CCL17: variants seen among roughly 807,000 people sequenced by gnomAD.
CCL17 encodes the protein C-C motif chemokine 17.
Under a neutral mutation model 7.4 loss-of-function variants are expected in CCL17, and 8 were observed. That is an observed-to-expected ratio of 1.09 (90% CI 0.64 to 1.96). CCL17 has a LOEUF of 1.96. Ranked by LOEUF, CCL17 falls within the 30% of genes most tolerant of loss-of-function variation. CCL17 has a pLI of 0.00. For missense variants in CCL17, 102 were observed against 113.0 expected, an observed-to-expected ratio of 0.90 and a Z score of 0.44; for synonymous variants, 40 against 46.1, an observed-to-expected ratio of 0.87 and a Z score of 0.54.
At chr16:57,398,315 G>T in the CCL17 span, among the ~76,000 whole-genome samples, 3 of 152,222 alleles carry the variant, frequency 2.0e-5, no homozygotes, top group East Asian at 5.8e-4. Context: ...GTATGCCACT[G>T]GTTGTGGGGT....
chr16:57,399,081 G>A, the CCL17 span, among the ~76,000 whole-genome samples: 1 of 152,182 alleles, frequency 6.6e-6, no homozygotes, highest in African/African-American at 2.4e-5. Flanking sequence ...GGGTGTAGGG[G>A]TTGGGTACAG....
chr16:57,403,664 AT>A (rs1902653462), upstream of CCL17, among the ~76,000 whole-genome samples: 2 of 92,854 alleles, frequency 2.2e-5, no homozygotes, highest in African/African-American at 8.9e-5. Flanking sequence ...ATATATATAT[AT>A]ATATTTTTTG....
At chr16:57,413,669 T>C (rs1394104053) in intron 1 of CCL17, among the ~76,000 whole-genome samples, 3 of 152,230 alleles carry the variant, frequency 2.0e-5, no homozygotes, top group African/African-American at 7.2e-5. Flanking sequence ...CCATGGGCTC[T>C]AGACACATGT....
chr16:57,404,374 A>G (rs922130569), upstream of CCL17, among the ~76,000 whole-genome samples: 1 of 152,114 alleles, frequency 6.6e-6, no homozygotes, highest in Non-Finnish European at 1.5e-5. Context: ...TGTATTTGGA[A>G]AGCAGAGACA....
chr16:57,401,228 A>C (rs1289332918), upstream of CCL17, among the ~76,000 whole-genome samples: 1 of 152,032 alleles, frequency 6.6e-6, no homozygotes, highest in Non-Finnish European at 1.5e-5. Context: ...AAAGCTTAGA[A>C]ATGAGCATGA....
At chr16:57,396,752 T>G in the CCL17 span, among the ~76,000 whole-genome samples, 2 of 152,130 alleles carry the variant, frequency 1.3e-5, no homozygotes, top group Non-Finnish European at 1.5e-5. Context: ...CTGTGATCAG[T>G]TGGGGCTTGA....
intron 1 of CCL17, among the ~76,000 whole-genome samples, chr16:57,410,890 T>G (rs1226293230): frequency 1.3e-5 from 2 of 152,168 alleles, no homozygotes; most frequent in African/African-American, 4.8e-5. Context: ...CCATGCTTGG[T>G]GCTGGGGATG....
chr16:57,403,516 T>TTA (rs1367504511), upstream of CCL17, among the ~76,000 whole-genome samples: 2 of 27,210 alleles, frequency 7.4e-5, no homozygotes, highest in Non-Finnish European at 1.0e-4. Context: ...ATATATTATA[T>TTA]TATATATATG....
chr16:57,410,150 G>T (rs1902760899), intron 1 of CCL17, among the ~76,000 whole-genome samples: 2 of 152,156 alleles, frequency 1.3e-5, no homozygotes, highest in Non-Finnish European at 2.9e-5. Context: ...AGAGCATCCT[G>T]GTTCCGCCCA....
the CCL17 span, among the ~76,000 whole-genome samples, chr16:57,399,265 C>T: frequency 2.0e-5 from 3 of 152,086 alleles, no homozygotes; most frequent in African/African-American, 7.3e-5. Context: ...ATTGCCACGA[C>T]CACCATCAGA....
chr16:57,407,596 C>G (rs765374431), intron 1 of CCL17, among the ~76,000 whole-genome samples: 57 of 152,154 alleles, frequency 3.7e-4, no homozygotes, highest in Non-Finnish European at 5.7e-4. Context: ...ACCCATACTT[C>G]TATTCATCCA....
intron 1 of CCL17, among the ~76,000 whole-genome samples, chr16:57,411,949 G>A (rs933973496): frequency 6.6e-6 from 1 of 152,178 alleles, no homozygotes; most frequent in East Asian, 1.9e-4. Context: ...TCCTCTGCAC[G>A]TGCAAATGGA....
At chr16:57,403,478 TTATATAATAA>T (rs1902636344), upstream of CCL17, among the ~76,000 whole-genome samples, 4 of 1,836 alleles carry the variant, frequency 2.2e-3, 2 homozygotes, top group African/African-American at 4.9e-3. Context: ...ATTATATATA[TTATATAATAA>T]TATATATATT....
rs540091516 is a variant in CCL17, at chr16:57,415,394, T to A, written c.188+196T>A. The stretch of plus-strand genomic sequence containing the variant: ...GTCCAACCTATTCCTTGATTTGTGG[T>A]GAAATTGAGGCCCCGGGAGCAATGA... On this transcript the variant is annotated intron_variant, in intron 3 of 3. Transcript: ENST00000219244. The surrounding 1 kb of genome is among the most constrained non-coding windows in gnomAD (Gnocchi z 4.5). Among the ~76,000 whole-genome samples, 156 of 152,220 alleles carry A rather than the reference T, an allele frequency of 1.0e-3. No individual in the cohort carries two copies. The highest frequency in any genetic ancestry group is 6.8e-3 in the Middle Eastern group (2 of 294).
chr16:57,397,359 C>T, the CCL17 span, among the ~76,000 whole-genome samples: 6 of 152,310 alleles, frequency 3.9e-5, no homozygotes, highest in East Asian at 5.8e-4. Context: ...CCTCTTCTGT[C>T]GTTAACCATC....
the CCL17 span, among the ~76,000 whole-genome samples, chr16:57,399,674 A>G: frequency 6.6e-6 from 1 of 152,000 alleles, no homozygotes; most frequent in Non-Finnish European, 1.5e-5. Flanking sequence ...GGTCTTGAAC[A>G]CCTGACCTCA....
intron 1 of CCL17, among the ~76,000 whole-genome samples, chr16:57,407,495 C>A (rs4784805): frequency 0.027 from 4,130 of 152,228 alleles, 82 homozygotes; most frequent in South Asian, 0.088. Flanking sequence ...GTGAGTTGGG[C>A]CCATGTTGTA....
At chr16:57,412,324 G>C (rs1191140711) in intron 1 of CCL17, among the ~76,000 whole-genome samples, 3 of 152,170 alleles carry the variant, frequency 2.0e-5, no homozygotes, top group Non-Finnish European at 4.4e-5. Context: ...CTGAGGGGTG[G>C]GGAGAGGAGC....
chr16:57,415,753 C>T lies in CCL17; in HGVS notation c.189-12C>T, dbSNP rs1902859125. The T allele has an allele frequency of 6.3e-7, 1 of 1,582,858 alleles. No homozygotes were observed. The highest frequency in any genetic ancestry group is 8.7e-7 in the Non-Finnish European group (1 of 1,151,476). ...CCCCTGCCACTCCTGGTAACGTCCT[C>T]CTTCTGTGTAGTTTTGTAACTGTGC... On this transcript the variant is annotated splice_polypyrimidine_tract_variant and intron_variant, in intron 3 of 3. Transcript: ENST00000219244. This position sits in a 1 kb window ranked among gnomAD's most constrained non-coding sequence, Gnocchi z 4.5.
Sources: gnomAD v4.1 joint callset for allele counts (sites outside exome capture counted in the v4.1 genomes callset) on GRCh38, gnomAD v4.1.1 for gene constraint, Gnocchi (gnomAD v3.1) non-coding constraint, MANE v1.5 for transcripts, NCBI Gene and HGNC (gene_info 2026-07-23, HGNC 2026-07-21) for gene names.